Variants in C10orf67 observed in about 807,000 individuals in gnomAD.
C10orf67 encodes the protein uncharacterized protein C10orf67, mitochondrial.
A neutral mutation model predicts 35.6 loss-of-function variants in C10orf67; 60 were observed. The observed-to-expected ratio is 1.68, with a 90% CI of 1.37 to 2.09. The LOEUF is 2.09. Ranked by LOEUF, C10orf67 falls within the 30% of genes most tolerant of loss-of-function variation. The pLI, the probability that C10orf67 is intolerant of heterozygous loss-of-function variation, is 0.00. For synonymous variants in C10orf67, 167 were observed against 115.8 expected, an observed-to-expected ratio of 1.44 and a Z score of -2.84; for missense variants, 474 against 330.2, an observed-to-expected ratio of 1.44 and a Z score of -3.38.
At chr10:23,222,768 G>A (rs10764395) in intron 15 of C10orf67, among the ~76,000 whole-genome samples, 60,060 of 152,046 alleles carry the variant, frequency 0.4, 15,082 homozygotes, top group East Asian at 0.74. Flanking sequence ...CAAAATCTCA[G>A]CTGTAAAAAA....
chr10:23,290,653 T>C (rs1466291867), intron 6 of C10orf67, among the ~76,000 whole-genome samples: 1 of 152,240 alleles, frequency 6.6e-6, no homozygotes, highest in Non-Finnish European at 1.5e-5. Flanking sequence ...CAAATGAAAT[T>C]GTGTATTTAA....
At chr10:23,254,042 T>C (rs1658603716) in intron 10 of C10orf67, among the ~76,000 whole-genome samples, 1 of 152,192 alleles carries the variant, frequency 6.6e-6, no homozygotes, top group African/African-American at 2.4e-5. Flanking sequence ...ATACACACAC[T>C]GGTCTTTATG....
chr10:23,262,435 C>A (rs550968498), intron 10 of C10orf67, among the ~76,000 whole-genome samples: 74 of 152,218 alleles, frequency 4.9e-4, no homozygotes, highest in African/African-American at 1.8e-3. Context: ...ACCACCAAGT[C>A]GCTATCATCT....
At chr10:23,207,987 C>A (rs557336035) in intron 15 of C10orf67, among the ~76,000 whole-genome samples, 18 of 152,196 alleles carry the variant, frequency 1.2e-4, no homozygotes, top group Admixed American at 2.6e-4. Context: ...TTCCCCACCC[C>A]CCTCTTTATG....
intron 2 of C10orf67, among the ~76,000 whole-genome samples, chr10:23,322,796 T>G (rs1197186532): frequency 6.6e-6 from 1 of 152,066 alleles, no homozygotes; most frequent in East Asian, 1.9e-4. Context: ...AGTTTACCTA[T>G]GTAACAAACC....
At chr10:23,315,513 A>G (rs1844667410) in intron 4 of C10orf67, among the ~76,000 whole-genome samples, 1 of 152,128 alleles carries the variant, frequency 6.6e-6, no homozygotes, top group African/African-American at 2.4e-5. Flanking sequence ...ATCATGGCTC[A>G]CTGCAGCCTT....
At chr10:23,272,703 T>G (rs1407576183) in intron 8 of C10orf67, among the ~76,000 whole-genome samples, 1 of 152,220 alleles carries the variant, frequency 6.6e-6, no homozygotes, top group African/African-American at 2.4e-5. Flanking sequence ...TAGGATAGGC[T>G]TGTTGATTTC....
rs58972226 is a variant in C10orf67, at chr10:23,212,778, T to TGAGAGAGAGAGA, written c.1571-8535_1571-8524dup. 1.0e-2 allele frequency among the ~76,000 whole-genome samples: 1,007 copies of TGAGAGAGAGAGA among 101,114 alleles called. 40 individuals carry two copies. The highest frequency in any genetic ancestry group is 0.018 in the South Asian group (40 of 2,222). The allele number at this position is 101,114 out of a possible 152,430, so 66.3% of individuals were successfully genotyped here. On this transcript the variant is annotated intron_variant, in intron 15 of 15. Coordinates refer to ENST00000636213, the MANE Select transcript of C10orf67 (RefSeq NM_001371909.1). Reference sequence around the variant, plus strand: ...GAACTATATTCAGGAAATATTGTATTGAGAGAGAGAGAGAGAGAGAGAGAG... The same window carrying TGAGAGAGAGAGA: ...GAACTATATTCAGGAAATATTGTATTGAGAGAGAGAGAGAGAGAGAGAGAGAGAGAGAGAGAG...
chr10:23,262,177 G>C (rs1304761912), intron 10 of C10orf67, among the ~76,000 whole-genome samples: 3 of 152,208 alleles, frequency 2.0e-5, no homozygotes, highest in South Asian at 4.1e-4. Context: ...TGGCAGTCAG[G>C]ATGAGTGACA....
At chr10:23,285,526 A>G (rs1201050485) in intron 7 of C10orf67, among the ~76,000 whole-genome samples, 1 of 151,794 alleles carries the variant, frequency 6.6e-6, no homozygotes. Context: ...TTATCCCAAT[A>G]TATATTCAAA....
chr10:23,263,604 C>A (rs1376933598), intron 10 of C10orf67, among the ~76,000 whole-genome samples: 1 of 152,148 alleles, frequency 6.6e-6, no homozygotes, highest in Non-Finnish European at 1.5e-5. Context: ...ATTTCCCACA[C>A]AGAAGGGCCC....
intron 2 of C10orf67, among the ~76,000 whole-genome samples, chr10:23,323,675 C>T (rs1038283581): frequency 1.5e-4 from 22 of 151,150 alleles, no homozygotes; most frequent in Non-Finnish European, 3.1e-4. Flanking sequence ...CTTTGGGACG[C>T]TGAAGTGGAC....
At chr10:23,295,277 C>G (rs536959327) in intron 5 of C10orf67, among the ~76,000 whole-genome samples, 3 of 152,358 alleles carry the variant, frequency 2.0e-5, no homozygotes, top group South Asian at 4.1e-4. Context: ...GTGTGGCTCC[C>G]ACCTGCTCTC....
intron 15 of C10orf67, among the ~76,000 whole-genome samples, chr10:23,214,478 G>A (rs925834958): frequency 6.6e-6 from 1 of 152,016 alleles, no homozygotes; most frequent in African/African-American, 2.4e-5. Context: ...TTTATGGGAT[G>A]CAACTAAAAC....
chr10:23,243,987 G>A (rs1842250431), intron 12 of C10orf67, among the ~76,000 whole-genome samples: 1 of 152,172 alleles, frequency 6.6e-6, no homozygotes, highest in African/African-American at 2.4e-5. Context: ...GACCTCGTGG[G>A]TCCAGGCAAT....
intron 10 of C10orf67, among the ~76,000 whole-genome samples, chr10:23,261,486 A>G (rs1052964602): frequency 2.0e-5 from 3 of 152,074 alleles, no homozygotes; most frequent in Admixed American, 1.3e-4. Flanking sequence ...TAACTTAAAA[A>G]ATATCTGTAG....
chr10:23,263,504 A>T (rs1181078083), intron 10 of C10orf67, among the ~76,000 whole-genome samples: 1 of 152,240 alleles, frequency 6.6e-6, no homozygotes, highest in Non-Finnish European at 1.5e-5. Flanking sequence ...GAAGTTCTAG[A>T]GTTTTTATTG....
chr10:23,306,373 A>G (rs940801177), intron 4 of C10orf67, among the ~76,000 whole-genome samples: 1 of 151,896 alleles, frequency 6.6e-6, no homozygotes, highest in Non-Finnish European at 1.5e-5. Context: ...AAATGCAAAA[A>G]ATTAGCTGGG....
At chr10:23,212,823 G>GAGAC (rs1354842224) in intron 15 of C10orf67, among the ~76,000 whole-genome samples, 2 of 141,510 alleles carry the variant, frequency 1.4e-5, no homozygotes, top group African/African-American at 5.4e-5. Flanking sequence ...GAGAGAGAGA[G>GAGAC]ACGTAAGCAT....
Sources: allele counts gnomAD v4.1 joint callset (sites outside exome capture counted in the v4.1 genomes callset), GRCh38; gene constraint gnomAD v4.1.1; transcripts MANE v1.5; gene names NCBI Gene and HGNC (gene_info 2026-07-23, HGNC 2026-07-21).